HIVEP1: variants seen among roughly 807,000 people sequenced by gnomAD.
HIVEP1 encodes HIVEP zinc finger 1, also known as zinc finger protein 40.
HIVEP1 carries 36 observed loss-of-function variants against 180.0 expected under a neutral mutation model. The observed-to-expected ratio is 0.20, with a 90% CI of 0.15 to 0.26. The LOEUF is 0.26. Among genes scored for constraint, HIVEP1 ranks in the 10% least tolerant of loss-of-function variants. HIVEP1 has a pLI of 1.00. For synonymous variants in HIVEP1, 1,239 were observed against 1,239.0 expected, an observed-to-expected ratio of 1.00 and a Z score of 0.00; for missense variants, 3,143 against 3,268.7, an observed-to-expected ratio of 0.96 and a Z score of 0.94.
chr6:12,124,893 C>T lies in HIVEP1; in HGVS notation c.5098C>T (p.Pro1700Ser), dbSNP rs371180114. 2.3e-5 allele frequency: 37 copies of T among 1,614,076 alleles called. No individual in the cohort carries two copies. The African/African-American group carries it at 4.7e-4, about 20-fold the overall frequency. ...QKGHQNALPN[P>S]EKEFLCENVF... is the part of the protein sequence containing the mutation. ...AGGTCATCAGAATGCTTTGCCAAAC[C>T]CAGAGAAGGAATTTCTATGTGAAAA... Residue 1700 changes from proline (P) to serine (S), a missense_variant, in exon 4 of 9, where the codon CCA (proline) becomes TCA (serine). Physicochemically the swap from Pro to Ser is moderately conservative, Grantham distance 74. This residue lies in a region of HIVEP1 where 1,357 missense variants were observed against 1,260.5 expected (regional missense o/e 1.08). Coordinates refer to ENST00000379388, the MANE Select transcript of HIVEP1 (RefSeq NM_002114.4).
chr6:12,114,405 C>T (rs949832215), intron 3 of HIVEP1, among the ~76,000 whole-genome samples: 5 of 152,190 alleles, frequency 3.3e-5, no homozygotes, highest in Admixed American at 3.3e-4. Flanking sequence ...TCCACTATCA[C>T]ATGTTTTGTC....
chr6:12,209,518 C>A, the HIVEP1 span, among the ~76,000 whole-genome samples: 1 of 152,222 alleles, frequency 6.6e-6, no homozygotes, highest in Non-Finnish European at 1.5e-5. Context: ...TTAACTTCTT[C>A]ATTAGAATGT....
chr6:12,147,242 C>A (rs1447335709), intron 7 of HIVEP1, among the ~76,000 whole-genome samples: 1 of 152,144 alleles, frequency 6.6e-6, no homozygotes, highest in Non-Finnish European at 1.5e-5. Flanking sequence ...ACAATGAACA[C>A]CCCTGTCATG....
Position 12,163,698 on chromosome 6 carries a change from C to T in HIVEP1, c.7394C>T (p.Pro2465Leu), listed in dbSNP as rs373011353. ...AGVAELSSVVPCIPIGQIRVP... is the reference protein window; with the variant it reads ...AGVAELSSVVLCIPIGQIRVP... ...GTGGCTGAATTAAGCAGTGTTGTGC[C>T]ATGTATTCCTATCGGCCAAATCCGC... Residue 2465 changes from proline (P) to leucine (L), a missense_variant, in exon 9 of 9, where the codon CCA becomes CTA. Around this residue, in one of 12 missense-constraint regions of HIVEP1, gnomAD observed 595 missense variants for 602.2 expected, o/e 0.99. Coordinates refer to ENST00000379388, the MANE Select transcript of HIVEP1 (RefSeq NM_002114.4). 14 of 1,614,028 alleles carry T rather than the reference C, an allele frequency of 8.7e-6. No individual in the cohort carries two copies. Among genetic ancestry groups the T allele is most frequent in the African/African-American group, 2.7e-5 (2 of 74,906 alleles).
At chr6:12,181,595 C>T in the HIVEP1 span, among the ~76,000 whole-genome samples, 2 of 151,984 alleles carry the variant, frequency 1.3e-5, no homozygotes, top group African/African-American at 4.8e-5. Context: ...GGCTTATAAA[C>T]TCTATCAGAT....
At position 12,120,123 on chromosome 6, in the gene HIVEP1, A is replaced by G. The variant is rs756303041; in HGVS notation, c.328A>G (p.Lys110Glu). ...IPVKNGKQFT[K>E]QNGETPGIIA... The stretch of plus-strand genomic sequence containing the variant: ...TGTAAAAAATGGGAAGCAGTTTACC[A>G]AACAAAATGGAGAAACACCTGGAAT... The change falls in exon 4 of 9, where the codon AAA becomes GAA. Residue 110 changes from lysine to glutamate, a missense_variant. This residue lies in a region of HIVEP1 where 114 missense variants were observed against 134.5 expected (regional missense o/e 0.85). Coordinates refer to ENST00000379388, the MANE Select transcript of HIVEP1 (RefSeq NM_002114.4). 1.2e-6 allele frequency: 2 copies of G among 1,613,856 alleles called. No homozygotes were observed. Among genetic ancestry groups the G allele is most frequent in the Non-Finnish European group, 1.7e-6 (2 of 1,179,950 alleles).
Position 12,125,027 on chromosome 6 carries a change from T to C in HIVEP1, c.5232T>C (p.Ser1744=). ...CTCAACAAGAATCTTCAGCTTCGAG[T>C]AAAAGGATGCTTTCCCCAGCAAATA... ...LSPQQESSAS[S]KRMLSPANSL... Residue 1744 remains serine (S), a synonymous_variant, in exon 4 of 9, where the codon AGT becomes AGC. Coordinates refer to ENST00000379388, the MANE Select transcript of HIVEP1 (RefSeq NM_002114.4). 6.2e-7 allele frequency: 1 copy of C among 1,614,040 alleles called. No individual in the cohort carries two copies. The highest frequency in any genetic ancestry group is 8.5e-7 in the Non-Finnish European group (1 of 1,180,014).
intron 6 of HIVEP1, among the ~76,000 whole-genome samples, chr6:12,133,676 A>G (rs1216523851): frequency 6.6e-6 from 1 of 152,190 alleles, no homozygotes; most frequent in African/African-American, 2.4e-5. Flanking sequence ...CTGTCTATCT[A>G]GGGAGCAAAA....
At chr6:12,207,361 A>T in the HIVEP1 span, among the ~76,000 whole-genome samples, 1 of 152,238 alleles carries the variant, frequency 6.6e-6, no homozygotes, top group African/African-American at 2.4e-5. Context: ...GTATAGTGGC[A>T]TATGAATGTT....
rs1020253462 is a variant in HIVEP1, at chr6:12,055,256, C to T, written c.41-33928C>T. Among the ~76,000 whole-genome samples, 10 of 152,268 alleles carry T rather than the reference C, an allele frequency of 6.6e-5. No homozygotes were observed. The East Asian group carries it at 7.7e-4, about 12-fold the overall frequency. ...TTGGGAGGCCAAGGCGGACGAATCA[C>T]GAGGTCAGGAGATCGAGACCATCCT... On this transcript the variant is annotated intron_variant, in intron 2 of 8. Coordinates refer to ENST00000379388, the MANE Select transcript of HIVEP1 (RefSeq NM_002114.4).
chr6:12,168,773 T>A (rs1188321225), downstream of HIVEP1, among the ~76,000 whole-genome samples: 2 of 152,130 alleles, frequency 1.3e-5, no homozygotes, highest in Non-Finnish European at 2.9e-5. Flanking sequence ...TTTATTTATT[T>A]TTAAATAAAT....
At chr6:12,159,222 A>G (rs1581805359) in intron 7 of HIVEP1, among the ~76,000 whole-genome samples, 1 of 151,336 alleles carries the variant, frequency 6.6e-6, no homozygotes, top group Non-Finnish European at 1.5e-5. Context: ...GCGCGCGTGC[A>G]CGTGCACGCT....
chr6:12,035,705 G>A (rs1197774395), intron 2 of HIVEP1, among the ~76,000 whole-genome samples: 3 of 152,182 alleles, frequency 2.0e-5, no homozygotes, highest in African/African-American at 7.2e-5. Context: ...TGGATGTTTG[G>A]AGGGGAAAGT....
rs145029237 is a variant in HIVEP1 at position 12,056,175 on chromosome 6, T to C, written c.41-33009T>C. 3.0e-3 allele frequency among the ~76,000 whole-genome samples: 458 copies of C among 152,230 alleles called. 1 individual carries two copies. Among genetic ancestry groups the C allele is most frequent in the Middle Eastern group, 0.01 (3 of 294 alleles). ...GAAGAGTCTGGAGCAGAAAATAAGT[T>C]TAAATGTCTTTGGGATTTATTTGGA... is the stretch of plus-strand genomic sequence containing the variant. On this transcript the variant is annotated intron_variant, in intron 2 of 8. Coordinates refer to ENST00000379388, the MANE Select transcript of HIVEP1 (RefSeq NM_002114.4).
the HIVEP1 span, among the ~76,000 whole-genome samples, chr6:12,194,566 C>T: frequency 4.0e-5 from 6 of 148,786 alleles, no homozygotes; most frequent in East Asian, 3.9e-4. Context: ...TTTGGGAGGC[C>T]GAGGTGGGTG....
Position 12,120,297 on chromosome 6 carries a change from T to C in HIVEP1, c.502T>C (p.Leu168=), listed in dbSNP as rs775237629. 6.2e-7 allele frequency: 1 copy of C among 1,614,182 alleles called. No homozygotes were observed. Among genetic ancestry groups the C allele is most frequent in the Non-Finnish European group, 8.5e-7 (1 of 1,180,026 alleles). Residue 168 remains leucine (L), a synonymous_variant, in exon 4 of 9, where the codon TTG becomes CTG. Coordinates refer to ENST00000379388, the MANE Select transcript of HIVEP1 (RefSeq NM_002114.4). ...CGATGAACAATGTGACTCAAGTTCC[T>C]TGTCAAGTAAAACCAGGACTGACAA... The part of the protein sequence containing the change: ...DLDEQCDSSS[L]SSKTRTDNSE...
At chr6:12,139,355 A>G (rs1392727229) in intron 7 of HIVEP1, among the ~76,000 whole-genome samples, 2 of 152,134 alleles carry the variant, frequency 1.3e-5, no homozygotes, top group African/African-American at 4.8e-5. Context: ...AATGCCCTCT[A>G]GGAGGATTCC....
intron 7 of HIVEP1, among the ~76,000 whole-genome samples, chr6:12,160,423 C>T (rs1760324191): frequency 1.3e-5 from 2 of 152,114 alleles, no homozygotes; most frequent in Non-Finnish European, 2.9e-5. Context: ...AGAAGGCTTA[C>T]ACATTAGGTG....
intron 2 of HIVEP1, 69 bp downstream of exon 2, chr6:12,015,737 A>G (rs372412187): frequency 7.3e-5 from 104 of 1,420,840 alleles, no homozygotes; most frequent in Non-Finnish European, 1.0e-4. Context: ...CTTTGGTGAC[A>G]GGAATGGCCG....
Sources: allele counts gnomAD v4.1 joint callset (sites outside exome capture counted in the v4.1 genomes callset), GRCh38; gene constraint gnomAD v4.1.1; regional missense constraint gnomAD v4.1.1; transcripts MANE v1.5; gene names NCBI Gene and HGNC (gene_info 2026-07-23, HGNC 2026-07-21).